CFAP77: variants seen among roughly 807,000 people sequenced by gnomAD.
CFAP77 encodes the protein cilia and flagella associated protein 77, also known as cilia- and flagella-associated protein 77.
CFAP77 carries 25 observed loss-of-function variants against 31.1 expected under a neutral mutation model. That is an observed-to-expected ratio of 0.80 (90% confidence interval 0.59 to 1.12). CFAP77 has a LOEUF of 1.12. CFAP77 is among the 50% of genes most tolerant of loss of function. The pLI, the probability that CFAP77 is intolerant of heterozygous loss-of-function variation, is 0.00. For missense variants in CFAP77, 377 were observed against 397.3 expected (o/e 0.95, Z 0.44); for synonymous variants, 151 against 159.9 (o/e 0.94, Z 0.42).
intron 1 of CFAP77, among the ~76,000 whole-genome samples, chr9:132,489,447 T>G (rs941835275): frequency 1.3e-5 from 2 of 152,028 alleles, no homozygotes; most frequent in African/African-American, 4.8e-5. Flanking sequence ...CTGGGTGGTG[T>G]TGGACAAGTG....
intron 3 of CFAP77, among the ~76,000 whole-genome samples, chr9:132,523,970 T>G (rs1018760591): frequency 1.3e-5 from 2 of 152,150 alleles, no homozygotes; most frequent in African/African-American, 4.8e-5. Flanking sequence ...GCCTATTTGA[T>G]TTGGTGCTAT....
At chr9:132,548,669 T>A (rs2119077221) in intron 5 of CFAP77, among the ~76,000 whole-genome samples, 1 of 147,162 alleles carries the variant, frequency 6.8e-6, no homozygotes, top group East Asian at 2.0e-4. Context: ...CCCAAGCATC[T>A]GTTGGCTGGC....
At chr9:132,534,338 C>A (rs1852507919) in intron 3 of CFAP77, among the ~76,000 whole-genome samples, 1 of 152,070 alleles carries the variant, frequency 6.6e-6, no homozygotes, top group African/African-American at 2.4e-5. Flanking sequence ...TCCGGCCGGG[C>A]ACGGTGGCTC....
chr9:132,535,642 G>C (rs1368114799), intron 3 of CFAP77, among the ~76,000 whole-genome samples: 1 of 152,100 alleles, frequency 6.6e-6, no homozygotes, highest in Non-Finnish European at 1.5e-5. Context: ...GAACCTGGGA[G>C]GCAAGGTTGC....
chr9:132,458,631 C>G lies in CFAP77; in HGVS notation c.196-40064C>G, dbSNP rs114942933. 8.4e-3 allele frequency among the ~76,000 whole-genome samples: 1,256 copies of G among 148,774 alleles called. 21 individuals carry two copies. The highest frequency in any genetic ancestry group is 0.03 in the African/African-American group (1,187 of 40,212). On this transcript the variant is annotated intron_variant, in intron 1 of 5. Transcript: ENST00000393216. The stretch of plus-strand genomic sequence containing the variant: ...CCGGTGGAACTTTCTGGAGGGAGCT[C>G]TCCCTCCTGTGTCCAGTAGGGTCAC...
At chr9:132,528,558 A>G (rs1852382417) in intron 3 of CFAP77, among the ~76,000 whole-genome samples, 1 of 145,166 alleles carries the variant, frequency 6.9e-6, no homozygotes, top group African/African-American at 2.5e-5. Flanking sequence ...CTACCATCAG[A>G]GTGAACAGGC....
chr9:132,459,623 A>G (rs1299382751), intron 1 of CFAP77, among the ~76,000 whole-genome samples: 1 of 149,128 alleles, frequency 6.7e-6, no homozygotes, highest in Non-Finnish European at 1.5e-5. Context: ...GTGTATGTAT[A>G]TGTGTGTATA....
At chr9:132,482,789 C>A (rs904024393) in intron 1 of CFAP77, among the ~76,000 whole-genome samples, 3 of 102,616 alleles carry the variant, frequency 2.9e-5, no homozygotes, top group African/African-American at 1.2e-4. Context: ...ACATCACACT[C>A]TGGGGACTGT....
chr9:132,570,316 C>G (rs1315834090), intron 5 of CFAP77, among the ~76,000 whole-genome samples: 2 of 152,220 alleles, frequency 1.3e-5, no homozygotes, highest in Non-Finnish European at 2.9e-5. Context: ...CAGGTGGGCA[C>G]TGGGTAACTA....
chr9:132,417,432 A>T (rs1029756470), intron 1 of CFAP77, among the ~76,000 whole-genome samples: 3 of 152,132 alleles, frequency 2.0e-5, no homozygotes, highest in Admixed American at 6.5e-5. Context: ...CTTTTCACAC[A>T]ACTACAAAAG....
chr9:132,532,121 C>T (rs748427494), intron 3 of CFAP77, among the ~76,000 whole-genome samples: 6 of 150,204 alleles, frequency 4.0e-5, no homozygotes, highest in Non-Finnish European at 5.9e-5. Context: ...AAACAAAGAA[C>T]CACCGTTTGT....
At position 132,564,643 on chromosome 9, in the gene CFAP77, GA is replaced by G. The variant is rs1016926052; in HGVS notation, c.733-7738del. Among the ~76,000 whole-genome samples, 10 of 150,438 alleles carry G rather than the reference GA, an allele frequency of 6.6e-5. No homozygotes were observed. The highest frequency in any genetic ancestry group is 2.0e-4 in the African/African-American group (8 of 40,990). ...GTGTTATATAAATGCTAATATTGGA[GA>G]AAAAAAGAAAGATGAAAGGTAATTA... is the stretch of plus-strand genomic sequence containing the variant. On this transcript the variant is annotated intron_variant, in intron 5 of 5. Coordinates refer to ENST00000393216, the MANE Select transcript of CFAP77 (RefSeq NM_001282957.2). The surrounding 1 kb of genome is among the most constrained non-coding windows in gnomAD (Gnocchi z 4.6).
chr9:132,463,131 C>T lies in CFAP77; in HGVS notation c.196-35564C>T, dbSNP rs539009462. ...AAAGGGTGCCTGGGCGGGCTGGGAA[C>T]GGATGGAAGGTGGCCACTCTCAGGT... On this transcript the variant is annotated intron_variant, in intron 1 of 5. Transcript: ENST00000393216. 3.5e-4 allele frequency among the ~76,000 whole-genome samples: 53 copies of T among 152,220 alleles called. No individual in the cohort carries two copies. The East Asian group carries it at 4.5e-3, about 13-fold the overall frequency.
intron 3 of CFAP77, chr9:132,513,498 C>G (rs925662025): frequency 4.2e-6 from 4 of 959,820 alleles, no homozygotes; most frequent in Non-Finnish European, 6.0e-6. Context: ...GCTTTCCACC[C>G]AGCGTGCCCA....
At chr9:132,423,198 G>C (rs188445450) in intron 1 of CFAP77, among the ~76,000 whole-genome samples, 183 of 152,356 alleles carry the variant, frequency 1.2e-3, no homozygotes, top group Middle Eastern at 3.4e-3. Context: ...TAAAAGGAAA[G>C]CGCCTGTTGG....
chr9:132,421,984 G>A (rs1384965482), intron 1 of CFAP77, among the ~76,000 whole-genome samples: 1 of 151,868 alleles, frequency 6.6e-6, no homozygotes, highest in Non-Finnish European at 1.5e-5. Flanking sequence ...GGACACCTCA[G>A]TGGATAAGAC....
chr9:132,520,097 A>C (rs1852242845), intron 3 of CFAP77, among the ~76,000 whole-genome samples: 3 of 121,262 alleles, frequency 2.5e-5, no homozygotes, highest in East Asian at 2.7e-4. Context: ...AGGTTAATCC[A>C]CTCTGCTACA....
chr9:132,473,068 G>A (rs1851286416), intron 1 of CFAP77, among the ~76,000 whole-genome samples: 1 of 152,160 alleles, frequency 6.6e-6, no homozygotes, highest in Non-Finnish European at 1.5e-5. Flanking sequence ...AGGGGAGCCG[G>A]GGTGTGCAGG....
intron 1 of CFAP77, among the ~76,000 whole-genome samples, chr9:132,489,027 G>T (rs1054741280): frequency 6.6e-6 from 1 of 152,176 alleles, no homozygotes; most frequent in African/African-American, 2.4e-5. Flanking sequence ...CGGTTTGAAG[G>T]CAGCTGAGGA....
Sources: allele counts gnomAD v4.1 joint callset (sites outside exome capture counted in the v4.1 genomes callset), GRCh38; gene constraint gnomAD v4.1.1; non-coding constraint Gnocchi (gnomAD v3.1); transcripts MANE v1.5; gene names NCBI Gene and HGNC (gene_info 2026-07-23, HGNC 2026-07-21).